The following C14orf180 variants were observed in gnomAD, a reference collection of about 807,000 sequenced individuals.
The protein encoded by C14orf180 is nutritionally-regulated adipose and cardiac enriched protein homolog.
C14orf180 carries 13 observed loss-of-function variants against 13.9 expected under a neutral mutation model. The ratio of observed to expected loss-of-function variants is 0.94; its 90% CI spans 0.61 to 1.49. The LOEUF (loss-of-function observed/expected upper bound fraction) is 1.49. Among genes scored for constraint, C14orf180 ranks in the 40% most tolerant of loss-of-function variants. The pLI is 0.00. For missense variants in C14orf180, 238 were observed against 232.0 expected (o/e 1.03, Z -0.17); for synonymous variants, 113 against 106.3 (o/e 1.06, Z -0.39).
chr14:104,587,632 C>A, intron 2 of C14orf180, 117 bp from the exon 3 acceptor site: 1 of 1,069,098 alleles, frequency 9.4e-7, no homozygotes, highest in Non-Finnish European at 1.3e-6. Flanking sequence ...CATAGCGCAC[C>A]AGCCAGGACA....
rs532187316 is a variant in C14orf180 at position 104,590,146 on chromosome 14, G to A, written c.*1363G>A. On this transcript the variant is annotated 3_prime_UTR_variant, in exon 5 of 5. Transcript: ENST00000557649. ...ATCCAGGGAGCCCAGAGTTGCGGGT[G>A]GAGGTAACAAAAGGGGCTGTTTCCA... The A allele has an allele frequency of 6.6e-6, 1 of 152,384 alleles. No individual in the cohort carries two copies. The highest frequency in any genetic ancestry group is 2.4e-5 in the African/African-American group (1 of 41,586). 9.4% of individuals were successfully genotyped at this position (152,384 alleles called of 1,614,324 possible). A position where few individuals can be genotyped will look rare whatever the true frequency, so the allele number is the denominator to read the frequency against.
Position 104,589,019 on chromosome 14 carries a change from C to G in C14orf180, c.*236C>G, listed in dbSNP as rs887322829. 2.4e-6 allele frequency: 2 copies of G among 831,176 alleles called. No homozygotes were observed. The highest frequency in any genetic ancestry group is 3.5e-6 in the Non-Finnish European group (2 of 565,750). The allele number at this position is 831,176 out of a possible 1,614,324, so 51.5% of individuals were successfully genotyped here. On this transcript the variant is annotated 3_prime_UTR_variant, in exon 5 of 5. Transcript: ENST00000557649. The surrounding 1 kb of genome is among the most constrained non-coding windows in gnomAD (Gnocchi z 4.9). ...AGCCCTCCTGTCTCCTGTGTTGGGTCCATGTGAGATTTTATTAGAAAGAGG... is the reference window on the plus strand; with the variant it reads ...AGCCCTCCTGTCTCCTGTGTTGGGTGCATGTGAGATTTTATTAGAAAGAGG...
rs199822025 is a variant in C14orf180, at chr14:104,588,263, C to T, written c.242-11C>T. Reference sequence around the variant, plus strand: ...AGGTGCCCCCAGCTGACTCTCCATTCTCTTTCGCAGACATTGCTGACAAGA... The same window carrying T: ...AGGTGCCCCCAGCTGACTCTCCATTTTCTTTCGCAGACATTGCTGACAAGA... On this transcript the variant is annotated splice_polypyrimidine_tract_variant and intron_variant, in intron 3 of 4. Transcript: ENST00000557649. The T allele has an allele frequency of 9.1e-5, 147 of 1,613,938 alleles. 3 individuals carry two copies. The South Asian group carries it at 1.5e-3, about 16-fold the overall frequency.
Position 104,589,528 on chromosome 14 carries a change from G to T in C14orf180, c.*745G>T, listed in dbSNP as rs1298607204. On this transcript the variant is annotated 3_prime_UTR_variant, in exon 5 of 5. Transcript: ENST00000557649. The surrounding 1 kb of genome is among the most constrained non-coding windows in gnomAD (Gnocchi z 4.9). Reference sequence around the variant, plus strand: ...CGGGGCCAGCCAGCACCACCCACCAGCTGGGGCCTGTGGGTCCCGGAGACC... The same window carrying T: ...CGGGGCCAGCCAGCACCACCCACCATCTGGGGCCTGTGGGTCCCGGAGACC... 1.3e-5 allele frequency: 2 copies of T among 152,722 alleles called. No individual in the cohort carries two copies. The highest frequency in any genetic ancestry group is 2.9e-5 in the Non-Finnish European group (2 of 68,120). 9.5% of individuals were successfully genotyped at this position (152,722 alleles called of 1,614,324 possible).
At chr14:104,588,506 C>A in intron 4 of C14orf180, 72 bp from the exon 5 acceptor site, 3 of 1,434,882 alleles carry the variant, frequency 2.1e-6, no homozygotes, top group Non-Finnish European at 2.8e-6. Context: ...CCCATCCCTT[C>A]CCCACCAGCC....
At position 104,589,727 on chromosome 14, in the gene C14orf180, G is replaced by C. The variant is rs1405794042; in HGVS notation, c.*944G>C. ...GAGAGACACAGGGACAATCAGACCA[G>C]CGTCCTCGAGGTTAGCCTGAGGCGG... is the stretch of plus-strand genomic sequence containing the variant. On this transcript the variant is annotated 3_prime_UTR_variant, in exon 5 of 5. Coordinates refer to ENST00000557649, the MANE Select transcript of C14orf180 (RefSeq NM_001008404.3). The surrounding 1 kb of genome is among the most constrained non-coding windows in gnomAD (Gnocchi z 4.9). 6.6e-6 allele frequency: 1 copy of C among 152,438 alleles called. No homozygotes were observed. The highest frequency in any genetic ancestry group is 2.4e-5 in the African/African-American group (1 of 41,450). 9.4% of individuals were successfully genotyped at this position (152,438 alleles called of 1,614,324 possible).
In C14orf180 at chr14:104,588,839, G is replaced by A. The variant is rs1333336738; in HGVS notation, c.*56G>A. 2.0e-6 allele frequency: 3 copies of A among 1,521,310 alleles called. No individual in the cohort carries two copies. The highest frequency in any genetic ancestry group is 2.5e-5 in the East Asian group (1 of 40,410). The allele number at this position is 1,521,310 out of a possible 1,614,324, so 94.2% of individuals were successfully genotyped here. A position where few individuals can be genotyped will look rare whatever the true frequency, so the allele number is the denominator to read the frequency against. Reference sequence around the variant, plus strand: ...CCAGGAGAGCTCAAGCACTCCGGGGGCTCCGAGACAGCCTGAGCCCTGGCC... The same window carrying A: ...CCAGGAGAGCTCAAGCACTCCGGGGACTCCGAGACAGCCTGAGCCCTGGCC... On this transcript the variant is annotated 3_prime_UTR_variant, in exon 5 of 5. Transcript: ENST00000557649.
intron 1 of C14orf180, among the ~76,000 whole-genome samples, chr14:104,582,900 C>T (rs901203097): frequency 1.3e-5 from 2 of 152,150 alleles, no homozygotes; most frequent in East Asian, 1.9e-4. Context: ...CAGGCCTCCC[C>T]GCCCCCACCT....
At position 104,589,929 on chromosome 14, in the gene C14orf180, G is replaced by A. The variant is rs1263743225; in HGVS notation, c.*1146G>A. The A allele has an allele frequency of 6.6e-6, 1 of 152,202 alleles. No homozygotes were observed. The highest frequency in any genetic ancestry group is 1.5e-5 in the Non-Finnish European group (1 of 68,064). The allele number at this position is 152,202 out of a possible 1,614,324, so 9.4% of individuals were successfully genotyped here. A position where few individuals can be genotyped will look rare whatever the true frequency, so the allele number is the denominator to read the frequency against. ...CCTCAGTGGCCAAAGCGGATGTCCTGGGCGCCTGGAACCTCCCCATCTCCT... is the reference window on the plus strand; with the variant it reads ...CCTCAGTGGCCAAAGCGGATGTCCTAGGCGCCTGGAACCTCCCCATCTCCT... On this transcript the variant is annotated 3_prime_UTR_variant, in exon 5 of 5. Transcript: ENST00000557649. This position sits in a 1 kb window ranked among gnomAD's most constrained non-coding sequence, Gnocchi z 4.9.
intron 1 of C14orf180, among the ~76,000 whole-genome samples, chr14:104,582,913 C>T (rs994566950): frequency 7.2e-5 from 11 of 152,210 alleles, no homozygotes; most frequent in African/African-American, 1.7e-4. Flanking sequence ...CCCCACCTGC[C>T]GAGCATGCCA....
intron 4 of C14orf180, 48 bp downstream of exon 4, chr14:104,588,357 T>G (rs866690881): frequency 2.5e-6 from 4 of 1,608,946 alleles, no homozygotes; most frequent in Middle Eastern, 3.3e-4. Flanking sequence ...CCTCCGTGGG[T>G]GCACCCACCC....
At chr14:104,580,620 T>C (rs890705900) in intron 1 of C14orf180, among the ~76,000 whole-genome samples, 1 of 152,240 alleles carries the variant, frequency 6.6e-6, no homozygotes, top group African/African-American at 2.4e-5. Context: ...CTCCAGTAAC[T>C]GAAGCCTAGT....
chr14:104,586,637 A>G, intron 2 of C14orf180, 96 bp downstream of exon 2: 1 of 371,774 alleles, frequency 2.7e-6, no homozygotes, highest in Non-Finnish European at 4.2e-6. Context: ...GCCATCCTCC[A>G]CCCCAGGAAT....
chr14:104,587,721 A>G, intron 2 of C14orf180, 28 bp from the exon 3 acceptor site: 2 of 1,609,734 alleles, frequency 1.2e-6, no homozygotes, highest in South Asian at 2.2e-5. Flanking sequence ...CCGGGGACTC[A>G]CCAGTCTGCT....
At chr14:104,584,879 A>T (rs548885380) in intron 1 of C14orf180, among the ~76,000 whole-genome samples, 1 of 152,218 alleles carries the variant, frequency 6.6e-6, no homozygotes, top group Non-Finnish European at 1.5e-5. Flanking sequence ...ATTTATGCCC[A>T]CTTGGGGAGG....
intron 1 of C14orf180, among the ~76,000 whole-genome samples, chr14:104,584,038 C>T (rs1289989303): frequency 6.6e-6 from 1 of 152,224 alleles, no homozygotes; most frequent in African/African-American, 2.4e-5. Flanking sequence ...CACTCACACA[C>T]GTGCACACAC....
At chr14:104,580,985 G>A (rs1886413119) in intron 1 of C14orf180, among the ~76,000 whole-genome samples, 1 of 152,214 alleles carries the variant, frequency 6.6e-6, no homozygotes, top group African/African-American at 2.4e-5. Flanking sequence ...GGGCCTCAGG[G>A]GGCCACCAGG....
At chr14:104,584,399 A>G (rs1886544663) in intron 1 of C14orf180, among the ~76,000 whole-genome samples, 2 of 152,104 alleles carry the variant, frequency 1.3e-5, no homozygotes, top group South Asian at 2.1e-4. Context: ...CTCCACCCCC[A>G]ACCCCACCCT....
rs1479521288 is a variant in C14orf180, at chr14:104,586,593, G to A, written c.111+52G>A. On this transcript the variant is annotated intron_variant, in intron 2 of 4. Coordinates refer to ENST00000557649, the MANE Select transcript of C14orf180 (RefSeq NM_001008404.3). ...TCTGCAAGCTGGCCTTCCACTGGGG[G>A]CTGGAGGGGGCAGGGAGCAACAGAC... The A allele has an allele frequency of 8.2e-6, 10 of 1,213,478 alleles. No individual in the cohort carries two copies. In the East Asian group the frequency reaches 1.2e-4, roughly 14 times the overall value. 75.2% of individuals were successfully genotyped at this position (1,213,478 alleles called of 1,614,324 possible). A position where few individuals can be genotyped will look rare whatever the true frequency, so the allele number is the denominator to read the frequency against.
Sources: gnomAD v4.1 joint callset for allele counts (sites outside exome capture counted in the v4.1 genomes callset) on GRCh38, gnomAD v4.1.1 for gene constraint, Gnocchi (gnomAD v3.1) non-coding constraint, MANE v1.5 for transcripts, NCBI Gene and HGNC (gene_info 2026-07-23, HGNC 2026-07-21) for gene names.